Variants in HGF observed in about 807,000 individuals in gnomAD.
HGF encodes hepatocyte growth factor.
Under a neutral mutation model 111.6 loss-of-function variants are expected in HGF, and 39 were observed. The observed-to-expected ratio is 0.35, with a 90% CI of 0.27 to 0.46. The LOEUF is 0.46. HGF is among the 20% of genes least tolerant of loss of function. The pLI is 1.00. For synonymous variants in HGF, 285 were observed against 294.8 expected, an observed-to-expected ratio of 0.97 and a Z score of 0.34; for missense variants, 735 against 910.5, an observed-to-expected ratio of 0.81 and a Z score of 2.48.
rs554097345 is a variant in HGF, at chr7:81,720,443, C to T, written c.1271+302G>A. 6.6e-5 allele frequency among the ~76,000 whole-genome samples: 10 copies of T among 152,276 alleles called. No individual in the cohort carries two copies. In the East Asian group the frequency reaches 9.7e-4, roughly 15 times the overall value. On this transcript the variant is annotated intron_variant, in intron 10 of 17. Coordinates refer to ENST00000222390, the MANE Select transcript of HGF (RefSeq NM_000601.6). ...ACTATTGTGTCAATGTGACCGTATCCTCCTTGGAGGTTGGAACCAAAACAT... is the reference window on the plus strand; with the variant it reads ...ACTATTGTGTCAATGTGACCGTATCTTCCTTGGAGGTTGGAACCAAAACAT...
intron 11 of HGF, among the ~76,000 whole-genome samples, chr7:81,713,929 G>T (rs2115821517): frequency 6.6e-6 from 1 of 151,604 alleles, no homozygotes; most frequent in South Asian, 2.1e-4. Context: ...ACTTAAATTT[G>T]AAGAAAGAAA....
rs140351174 is a variant in HGF at position 81,745,901 on chromosome 7, T to C, written c.626-781A>G. On this transcript the variant is annotated intron_variant, in intron 5 of 17. Transcript: ENST00000222390. ...ATGTCACACAGAAAACTGAATCACA[T>C]CAATTGCTGAAAGTGAGACTTCTCA... is the stretch of plus-strand genomic sequence containing the variant. Among the ~76,000 whole-genome samples the C allele has an allele frequency of 3.3e-5, 5 of 152,316 alleles. No individual in the cohort carries two copies. In the East Asian group the frequency reaches 7.7e-4, roughly 24 times the overall value.
In HGF at chr7:81,758,751, C is replaced by G. The variant is rs2116202796; in HGVS notation, c.308G>C (p.Ser103Thr). The change falls in exon 3 of 18, where the codon AGC becomes ACC. Residue 103 changes from serine (S) to threonine (T), a missense_variant. Physicochemically the swap from Ser to Thr is moderately conservative, Grantham distance 58. Around this residue, in one of 3 missense-constraint regions of HGF, gnomAD observed 553 missense variants for 685.6 expected, o/e 0.81. Transcript: ENST00000222390. Reference sequence around the variant, plus strand: ...TTCTTTTTTCACTCCACTTGACATGCTATTGAAGGGGAACCAGAGGCATTG... The same window carrying G: ...TTCTTTTTTCACTCCACTTGACATGGTATTGAAGGGGAACCAGAGGCATTG... The part of the protein sequence containing the change: ...RKQCLWFPFN[S>T]MSSGVKKEFG... 6.2e-7 allele frequency: 1 copy of G among 1,613,134 alleles called. No individual in the cohort carries two copies. Among genetic ancestry groups the G allele is most frequent in the South Asian group, 1.1e-5 (1 of 91,052 alleles).
chr7:81,754,693 T>G (rs1432451662), intron 4 of HGF, among the ~76,000 whole-genome samples: 1 of 152,030 alleles, frequency 6.6e-6, no homozygotes, highest in African/African-American at 2.4e-5. Flanking sequence ...TTCTTCATTC[T>G]GTGGTGTATT....
intron 9 of HGF, 61 bp downstream of exon 9, chr7:81,725,829 C>G (rs561811929): frequency 6.3e-7 from 1 of 1,577,176 alleles, no homozygotes; most frequent in Admixed American, 1.7e-5. Context: ...AAAATGTGTC[C>G]TCCCTTTAGG....
intron 7 of HGF, among the ~76,000 whole-genome samples, chr7:81,736,999 G>A (rs1007843314): frequency 6.7e-6 from 1 of 148,866 alleles, no homozygotes; most frequent in African/African-American, 2.5e-5. Context: ...AGTGGATATA[G>A]ATATTTCATT....
chr7:81,744,515 C>G (rs923650224), intron 6 of HGF, among the ~76,000 whole-genome samples: 16 of 152,260 alleles, frequency 1.1e-4, no homozygotes, highest in African/African-American at 3.4e-4. Context: ...GTGTGGCCTG[C>G]AGTACCTGAG....
At chr7:81,722,003 A>C (rs1789878231) in intron 9 of HGF, among the ~76,000 whole-genome samples, 2 of 152,076 alleles carry the variant, frequency 1.3e-5, no homozygotes, top group South Asian at 4.1e-4. Flanking sequence ...TTCTTCTGTA[A>C]ATAAAAATTT....
intron 7 of HGF, among the ~76,000 whole-genome samples, chr7:81,739,455 C>T (rs1399455080): frequency 6.6e-6 from 1 of 152,120 alleles, no homozygotes; most frequent in Non-Finnish European, 1.5e-5. Context: ...TATGTATACA[C>T]ATATATAGTG....
intron 11 of HGF, among the ~76,000 whole-genome samples, chr7:81,714,650 T>C (rs1313187495): frequency 6.6e-6 from 1 of 152,094 alleles, no homozygotes; most frequent in Middle Eastern, 3.2e-3. Flanking sequence ...CATTTTTATG[T>C]TTGCATATTT....
chr7:81,747,496 G>C (rs975286253), intron 5 of HGF, among the ~76,000 whole-genome samples: 1 of 152,104 alleles, frequency 6.6e-6, no homozygotes, highest in Non-Finnish European at 1.5e-5. Context: ...TGATAGTAAA[G>C]GGAAGAGAGA....
intron 1 of HGF, among the ~76,000 whole-genome samples, chr7:81,765,842 G>A (rs1430393155): frequency 1.3e-5 from 2 of 152,102 alleles, no homozygotes; most frequent in African/African-American, 2.4e-5. Flanking sequence ...CTTAATTTGG[G>A]AAGAAACTCA....
At chr7:81,729,930 A>C in intron 7 of HGF, 151 bp from the exon 8 acceptor site, 1 of 648,882 alleles carries the variant, frequency 1.5e-6, no homozygotes, top group East Asian at 2.8e-5. Flanking sequence ...AAGAAATTTA[A>C]CTTAACATTA....
At chr7:81,760,591 T>A (rs1025295083) in intron 2 of HGF, among the ~76,000 whole-genome samples, 3 of 152,128 alleles carry the variant, frequency 2.0e-5, no homozygotes, top group African/African-American at 7.2e-5. Flanking sequence ...ATTAAGACCC[T>A]AAGTTCATAG....
At chr7:81,712,465 C>T (rs118154312) in intron 11 of HGF, among the ~76,000 whole-genome samples, 2,715 of 151,872 alleles carry the variant, frequency 0.018, 35 homozygotes, top group Non-Finnish European at 0.024. Flanking sequence ...TTTCCAGATG[C>T]GAGTAAAAAA....
chr7:81,718,508 G>A (rs1395229151), intron 10 of HGF, among the ~76,000 whole-genome samples: 1 of 152,168 alleles, frequency 6.6e-6, no homozygotes, highest in East Asian at 1.9e-4. Context: ...TACTTACAAA[G>A]TTTGTCCTTA....
intron 2 of HGF, among the ~76,000 whole-genome samples, chr7:81,760,058 T>C (rs1490391984): frequency 6.6e-6 from 1 of 152,192 alleles, no homozygotes; most frequent in East Asian, 1.9e-4. Context: ...AATGACAAAT[T>C]CTTTAAGAAA....
intron 1 of HGF, among the ~76,000 whole-genome samples, chr7:81,768,874 A>G (rs1368050551): frequency 6.6e-6 from 1 of 152,192 alleles, no homozygotes; most frequent in Admixed American, 6.5e-5. Context: ...CTTTGCATTT[A>G]GAAAATTCTT....
intron 7 of HGF, among the ~76,000 whole-genome samples, chr7:81,739,723 G>T (rs527826484): frequency 6.6e-6 from 1 of 152,108 alleles, no homozygotes; most frequent in South Asian, 2.1e-4. Context: ...AGAAGAGGTG[G>T]AACTTGAGCC....
Sources: gnomAD v4.1 joint callset for allele counts (sites outside exome capture counted in the v4.1 genomes callset) on GRCh38, gnomAD v4.1.1 for gene constraint, gnomAD v4.1.1 regional missense constraint, MANE v1.5 for transcripts, NCBI Gene and HGNC (gene_info 2026-07-23, HGNC 2026-07-21) for gene names.